The following KLKB1 variants were observed in gnomAD, a reference collection of about 807,000 sequenced individuals.
KLKB1 encodes the protein kallikrein B1, also known as plasma kallikrein.
A neutral mutation model predicts 73.6 loss-of-function variants in KLKB1; 58 were observed. The observed-to-expected ratio is 0.79, with a 90% confidence interval of 0.64 to 0.98. KLKB1 has a LOEUF of 0.98. Among genes scored for constraint, KLKB1 ranks in the 50% least tolerant of loss-of-function variants. The probability of loss-of-function intolerance (pLI) is 0.00; values close to 1 mark genes in which losing one functional copy is unlikely to be tolerated. For missense variants in KLKB1, 737 were observed against 763.8 expected (o/e 0.96, Z 0.41); for synonymous variants, 280 against 258.1 (o/e 1.08, Z -0.81).
chr4:186,235,332 A>C (rs1289395641), intron 4 of KLKB1, among the ~76,000 whole-genome samples: 1 of 97,130 alleles, frequency 1.0e-5, no homozygotes, highest in Non-Finnish European at 2.1e-5. Context: ...TTACTCACTT[A>C]GCTTGCTTTT....
intron 12 of KLKB1, 110 bp downstream of exon 12, chr4:186,254,873 G>A: frequency 1.1e-6 from 1 of 945,124 alleles, no homozygotes; most frequent in Admixed American, 2.2e-5. Context: ...TTTCTGACTG[G>A]TGGAGTTGAG....
chr4:186,245,837 A>AATG (rs1738317045), intron 6 of KLKB1, among the ~76,000 whole-genome samples: 1 of 60,240 alleles, frequency 1.7e-5, no homozygotes, highest in Non-Finnish European at 4.4e-5. Context: ...TTTTTTTTTT[A>AATG]ATGTCAGGAG....
chr4:186,220,391 A>T (rs1653148837), intron 2 of KLKB1, among the ~76,000 whole-genome samples: 1 of 152,190 alleles, frequency 6.6e-6, no homozygotes, highest in African/African-American at 2.4e-5. Context: ...ATGACGGGAA[A>T]CAATGTTGTA....
intron 3 of KLKB1, 30 bp from the exon 4 acceptor site, chr4:186,233,922 A>T: frequency 6.9e-7 from 1 of 1,452,392 alleles, no homozygotes; most frequent in Non-Finnish European, 9.7e-7. Context: ...TTATTATTCT[A>T]CTTCCTAAGT....
chr4:186,223,016 G>A (rs1737064110), upstream of KLKB1, among the ~76,000 whole-genome samples: 1 of 152,156 alleles, frequency 6.6e-6, no homozygotes, highest in African/African-American at 2.4e-5. Context: ...GTTCTCATGA[G>A]ATCTGATGGT....
In KLKB1 at chr4:186,252,172, C is replaced by T. The variant is rs1244315479; in HGVS notation, c.1300C>T (p.His434Tyr). The part of the protein sequence containing the change: ...IGHQWVLTAA[H>Y]CFDGLPLQDV... The stretch of plus-strand genomic sequence containing the variant: ...ACACCAGTGGGTCCTCACTGCTGCC[C>T]ACTGCTTTGATGGGTAAGTGTTGGA... The change falls in exon 11 of 15, where the codon CAC becomes TAC. Residue 434 changes from histidine to tyrosine, a missense_variant. Physicochemically the swap from His to Tyr is moderately conservative, Grantham distance 83 (BLOSUM62 2). Transcript: ENST00000264690. 6.2e-7 allele frequency: 1 copy of T among 1,613,754 alleles called. No individual in the cohort carries two copies. Among genetic ancestry groups the T allele is most frequent in the Non-Finnish European group, 8.5e-7 (1 of 1,180,016 alleles).
At chr4:186,223,175 C>A (rs1180497366), upstream of KLKB1, among the ~76,000 whole-genome samples, 3 of 152,152 alleles carry the variant, frequency 2.0e-5, no homozygotes, top group Non-Finnish European at 4.4e-5. Context: ...ATTTAGACCT[C>A]TTTTGTTTAT....
At position 186,251,191 on chromosome 4, in the gene KLKB1, C is replaced by T. The variant is rs1738651174; in HGVS notation, c.759-28C>T. The T allele has an allele frequency of 3.4e-6, 5 of 1,476,594 alleles. No homozygotes were observed. The South Asian group carries it at 5.7e-5, about 17-fold the overall frequency. 91.5% of individuals were successfully genotyped at this position (1,476,594 alleles called of 1,614,324 possible). ...GCCTTTAATGCAAATTTCTTTCTTT[C>T]TCTCTTGCTTTTTTTTAAAAAAAAT... On this transcript the variant is annotated intron_variant, in intron 7 of 14. Coordinates refer to ENST00000264690, the MANE Select transcript of KLKB1 (RefSeq NM_000892.5).
At chr4:186,243,488 G>A (rs778713093) in intron 6 of KLKB1, among the ~76,000 whole-genome samples, 7 of 152,182 alleles carry the variant, frequency 4.6e-5, no homozygotes, top group Non-Finnish European at 7.3e-5. Flanking sequence ...TGGAATGCTC[G>A]CTGCTTTTTT....
rs752415626 is a variant in KLKB1 at position 186,256,000 on chromosome 4, A to C, written c.1498A>C (p.Lys500Gln). The change falls in exon 13 of 15, where the codon AAA becomes CAA. Residue 500 changes from lysine to glutamine, a missense_variant. Coordinates refer to ENST00000264690, the MANE Select transcript of KLKB1 (RefSeq NM_000892.5). Reference sequence around the variant, plus strand: ...TAAAAATTATGTTTCAGAATTCCAAAAACCAATATGCCTACCTTCCAAAGG... The same window carrying C: ...TAAAAATTATGTTTCAGAATTCCAACAACCAATATGCCTACCTTCCAAAGG... ...QAPLNYTEFQ[K>Q]PICLPSKGDT... 1 of 1,607,924 alleles carries C rather than the reference A, an allele frequency of 6.2e-7. No individual in the cohort carries two copies.
At chr4:186,216,116 T>TA (rs1736896277) in intron 2 of KLKB1, among the ~76,000 whole-genome samples, 1 of 152,212 alleles carries the variant, frequency 6.6e-6, no homozygotes, top group Non-Finnish European at 1.5e-5. Flanking sequence ...GACTGGCAGG[T>TA]AATAGCTTAC....
chr4:186,217,659 T>A (rs776839918), intron 2 of KLKB1, among the ~76,000 whole-genome samples: 71 of 152,206 alleles, frequency 4.7e-4, no homozygotes, highest in Non-Finnish European at 9.3e-4. Context: ...CTTTAAATAT[T>A]TTAAAAGCAG....
At chr4:186,230,394 GA>G (rs1737335244) in intron 2 of KLKB1, among the ~76,000 whole-genome samples, 1 of 151,930 alleles carries the variant, frequency 6.6e-6, no homozygotes, top group African/African-American at 2.4e-5. Flanking sequence ...TTTAAAATTT[GA>G]GTACTTTAAT....
chr4:186,215,365 C>CCTTCCTTCCTTCT (rs1736865779), intron 2 of KLKB1, among the ~76,000 whole-genome samples: 1 of 118,064 alleles, frequency 8.5e-6, no homozygotes, highest in African/African-American at 3.5e-5. Flanking sequence ...TCTTTCCTTC[C>CCTTCCTTCCTTCT]TTCCTTCCTT....
At chr4:186,242,711 T>C (rs930494026) in intron 6 of KLKB1, among the ~76,000 whole-genome samples, 3 of 152,122 alleles carry the variant, frequency 2.0e-5, no homozygotes, top group African/African-American at 7.2e-5. Flanking sequence ...GGGGGTTCAG[T>C]GTAATTACTT....
At chr4:186,249,538 TCAGA>T (rs1385015190) in intron 6 of KLKB1, among the ~76,000 whole-genome samples, 3 of 152,204 alleles carry the variant, frequency 2.0e-5, no homozygotes, top group Non-Finnish European at 2.9e-5. Context: ...AGTTTTGAAC[TCAGA>T]CAGTCTGAGT....
At chr4:186,255,516 A>G (rs1738951554) in intron 12 of KLKB1, among the ~76,000 whole-genome samples, 2 of 152,240 alleles carry the variant, frequency 1.3e-5, no homozygotes, top group African/African-American at 4.8e-5. Flanking sequence ...GTAGTGAGCC[A>G]AGATCGTGCC....
chr4:186,245,804 TTTTTTTTG>T (rs1561460042), intron 6 of KLKB1, among the ~76,000 whole-genome samples: 1 of 88,630 alleles, frequency 1.1e-5, no homozygotes, highest in East Asian at 5.5e-4. Flanking sequence ...TTTTTGGAGT[TTTTTTTTG>T]TTTGTTTTTT....
At chr4:186,257,111 C>T (rs1739042461) in intron 13 of KLKB1, 115 bp from the exon 14 acceptor site, 2 of 593,240 alleles carry the variant, frequency 3.4e-6, no homozygotes. Flanking sequence ...CACTTTAAAA[C>T]TTATTTCCAT....
Sources: allele counts gnomAD v4.1 joint callset (sites outside exome capture counted in the v4.1 genomes callset), GRCh38; gene constraint gnomAD v4.1.1; transcripts MANE v1.5; gene names NCBI Gene and HGNC (gene_info 2026-07-23, HGNC 2026-07-21).